USH2A: variants seen among roughly 807,000 people sequenced by gnomAD.
USH2A encodes the protein usherin.
USH2A carries 443 observed loss-of-function variants against 538.9 expected under a neutral mutation model. That is an observed-to-expected ratio of 0.82 (90% CI 0.76 to 0.89). The LOEUF is 0.89. Ranked by LOEUF, USH2A falls within the 40% of genes least tolerant of loss-of-function variation. The pLI is 0.00. For missense variants in USH2A, 6,633 were observed against 6,324.8 expected, an observed-to-expected ratio of 1.05 and a Z score of -1.65; for synonymous variants, 2,413 against 2,273.5, an observed-to-expected ratio of 1.06 and a Z score of -1.75.
intron 13 of USH2A, among the ~76,000 whole-genome samples, chr1:216,240,250 A>G (rs2035912197): frequency 6.6e-6 from 1 of 152,190 alleles, no homozygotes; most frequent in African/African-American, 2.4e-5. Flanking sequence ...CTTCAGGAAG[A>G]TGCAGTAAGC....
In USH2A at chr1:215,998,997, G is replaced by T. The variant is rs1462600177; in HGVS notation, c.6547C>A (p.His2183Asn). The T allele has an allele frequency of 2.5e-6, 4 of 1,612,724 alleles. No homozygotes were observed. The East Asian group carries it at 8.9e-5, about 36-fold the overall frequency. ...LERYVLYMSN[H>N]THDFTIWSVI... ...CTCCAAATTGTAAAATCATGTGTAT[G>T]GTTTGACATATATAATACATAGCGT... is the stretch of plus-strand genomic sequence containing the variant. Residue 2183 changes from histidine (H) to asparagine (N), a missense_variant, in exon 34 of 72, where the codon CAT (histidine) becomes AAT (asparagine). Coordinates refer to ENST00000307340, the MANE Select transcript of USH2A (RefSeq NM_206933.4).
intron 37 of USH2A, among the ~76,000 whole-genome samples, chr1:215,948,963 A>T (rs915668035): frequency 5.9e-5 from 9 of 152,088 alleles, no homozygotes; most frequent in African/African-American, 1.7e-4. Context: ...CAAGGTAAAA[A>T]TGTCTATCCT....
intron 32 of USH2A, among the ~76,000 whole-genome samples, chr1:216,032,074 G>A (rs1669141779): frequency 6.6e-6 from 1 of 152,170 alleles, no homozygotes; most frequent in African/African-American, 2.4e-5. Flanking sequence ...AACTGGGAAT[G>A]ATTTGAGGAA....
At chr1:215,848,450 C>T (rs1008472358) in intron 44 of USH2A, among the ~76,000 whole-genome samples, 4 of 152,166 alleles carry the variant, frequency 2.6e-5, no homozygotes, top group African/African-American at 9.7e-5. Context: ...TATGTAGATA[C>T]ATTAAATATA....
chr1:216,120,685 C>A (rs1199413992), intron 21 of USH2A, among the ~76,000 whole-genome samples: 1 of 151,934 alleles, frequency 6.6e-6, no homozygotes. Context: ...GGCCTCGTCT[C>A]CACTAAAAAT....
chr1:216,309,402 G>T (rs2037379637), intron 9 of USH2A, among the ~76,000 whole-genome samples: 1 of 152,084 alleles, frequency 6.6e-6, no homozygotes, highest in South Asian at 2.1e-4. Flanking sequence ...ACAATAGGTG[G>T]ATGTTGTTTT....
chr1:215,735,631 A>G (rs983577430), intron 60 of USH2A, among the ~76,000 whole-genome samples: 1 of 152,204 alleles, frequency 6.6e-6, no homozygotes, highest in Non-Finnish European at 1.5e-5. Flanking sequence ...AATCACTGAT[A>G]GCCTAATATT....
intron 19 of USH2A, among the ~76,000 whole-genome samples, chr1:216,192,525 C>T (rs1021995998): frequency 6.6e-6 from 1 of 151,466 alleles, no homozygotes; most frequent in Non-Finnish European, 1.5e-5. Flanking sequence ...AACCCTGTCT[C>T]TACTAAAAAT....
chr1:216,244,583 A>G (rs531847642), intron 13 of USH2A, among the ~76,000 whole-genome samples: 2 of 152,330 alleles, frequency 1.3e-5, no homozygotes, highest in South Asian at 4.1e-4. Context: ...CAATGAAGTC[A>G]GTATTTCTTC....
intron 11 of USH2A, among the ~76,000 whole-genome samples, chr1:216,287,362 A>C (rs1160607615): frequency 6.6e-6 from 1 of 152,212 alleles, no homozygotes; most frequent in Non-Finnish European, 1.5e-5. Context: ...AGTCTTTCAT[A>C]ATTCCATCCA....
rs536369812 is a variant in USH2A at position 215,637,909 on chromosome 1, T to C, written c.15052+1246A>G. 2.6e-5 allele frequency among the ~76,000 whole-genome samples: 4 copies of C among 152,292 alleles called. No individual in the cohort carries two copies. In the East Asian group the frequency reaches 7.7e-4, roughly 29 times the overall value. On this transcript the variant is annotated intron_variant, in intron 69 of 71. Transcript: ENST00000307340. The stretch of plus-strand genomic sequence containing the variant: ...AAATAGGATATCAATCCCGAATCTG[T>C]TTTAGTGGAAAAGATTTGGCATTTC...
Position 216,078,108 on chromosome 1 carries a change from T to C in USH2A, c.5553A>G (p.Gln1851=), listed in dbSNP as rs1273833713. The change falls in exon 27 of 72, where the codon CAA becomes CAG. Residue 1851 remains glutamine, a synonymous_variant. Transcript: ENST00000307340. ...GIPQELLNSY[Q]HLCLEQGFGG... is the part of the protein sequence containing the mutation. ...ACTTACCTTGTTCCAAACACAAATGTTGATAAGAGTTCAGCAGTTCCTGTG... is the reference window on the plus strand; with the variant it reads ...ACTTACCTTGTTCCAAACACAAATGCTGATAAGAGTTCAGCAGTTCCTGTG... 6.2e-7 allele frequency: 1 copy of C among 1,613,630 alleles called. No individual in the cohort carries two copies. The highest frequency in any genetic ancestry group is 8.5e-7 in the Non-Finnish European group (1 of 1,179,722).
At chr1:215,729,654 T>C (rs971581426) in intron 60 of USH2A, among the ~76,000 whole-genome samples, 18 of 152,298 alleles carry the variant, frequency 1.2e-4, no homozygotes, top group African/African-American at 4.3e-4. Context: ...ATTTTGAGAC[T>C]GGGTCTCACT....
chr1:215,797,499 T>C (rs73088902), intron 50 of USH2A, among the ~76,000 whole-genome samples: 8,819 of 152,140 alleles, frequency 0.058, 883 homozygotes, highest in African/African-American at 0.2. Flanking sequence ...AGGTTGACTC[T>C]CCTGCTGGGG....
chr1:215,943,250 GAA>G (rs1666680976), intron 37 of USH2A, among the ~76,000 whole-genome samples: 2 of 152,062 alleles, frequency 1.3e-5, no homozygotes, highest in South Asian at 4.1e-4. Context: ...TGTAGTTTGG[GAA>G]AAAATGATAT....
chr1:215,721,311 G>A (rs973115060), intron 61 of USH2A, among the ~76,000 whole-genome samples: 1 of 152,130 alleles, frequency 6.6e-6, no homozygotes, highest in African/African-American at 2.4e-5. Flanking sequence ...CTGACCTCAG[G>A]TAATCCACCC....
At chr1:216,107,123 T>G (rs953742842) in intron 21 of USH2A, among the ~76,000 whole-genome samples, 3 of 151,916 alleles carry the variant, frequency 2.0e-5, no homozygotes, top group South Asian at 2.1e-4. Flanking sequence ...CAGTTTTGTA[T>G]AGAATGTACA....
rs966823623 is a variant in USH2A, at chr1:215,624,942, C to G, written c.*839G>C. ...GCTAGGTTGAAGATGTCAGTATTCT[C>G]TGATATTCAGTGAATTGACAGAATT... On this transcript the variant is annotated 3_prime_UTR_variant, in exon 72 of 72. Coordinates refer to ENST00000307340, the MANE Select transcript of USH2A (RefSeq NM_206933.4). The G allele has an allele frequency of 6.6e-6, 1 of 152,064 alleles. No homozygotes were observed. The highest frequency in any genetic ancestry group is 1.5e-5 in the Non-Finnish European group (1 of 68,008). 9.4% of individuals were successfully genotyped at this position (152,064 alleles called of 1,614,324 possible).
Position 215,782,739 on chromosome 1 carries a change from A to G in USH2A, c.10584T>C (p.Asn3528=), listed in dbSNP as rs775566366. The G allele has an allele frequency of 2.5e-6, 4 of 1,613,416 alleles. No individual in the cohort carries two copies. Among genetic ancestry groups the G allele is most frequent in the Non-Finnish European group, 3.4e-6 (4 of 1,179,770 alleles). The change falls in exon 53 of 72, where the codon AAT becomes AAC. Residue 3528 remains asparagine (N), a splice_region_variant and synonymous_variant. Transcript: ENST00000307340. ...VLNWRKPIQS[N]GPIIYYILLR... ...TGTATTTTAAAGGTATCTCAATACC[A>G]TTTGATTGTATAGGTTTTCTCCAGT...
Sources: allele counts gnomAD v4.1 joint callset (sites outside exome capture counted in the v4.1 genomes callset), GRCh38; gene constraint gnomAD v4.1.1; transcripts MANE v1.5; gene names NCBI Gene and HGNC (gene_info 2026-07-23, HGNC 2026-07-21).